The following ZFHX3 variants were observed in gnomAD, a reference collection of about 807,000 sequenced individuals.
The protein encoded by ZFHX3 is zinc finger homeobox 3.
A neutral mutation model predicts 279.1 loss-of-function variants in ZFHX3; 42 were observed. The ratio of observed to expected loss-of-function variants is 0.15; its 90% CI spans 0.12 to 0.19. ZFHX3 has a LOEUF of 0.19. Among genes scored for constraint, ZFHX3 ranks in the 10% least tolerant of loss-of-function variants. ZFHX3 has a pLI of 1.00. For missense variants in ZFHX3, 4,981 were observed against 4,754.0 expected (o/e 1.05, Z -1.40); for synonymous variants, 2,293 against 1,957.8 (o/e 1.17, Z -4.52).
At chr16:73,228,262 A>C (rs2012665838) in intron 5 of ZFHX3, among the ~76,000 whole-genome samples, 1 of 152,202 alleles carries the variant, frequency 6.6e-6, no homozygotes. Context: ...AAAATTATTA[A>C]ACTTGTATTT....
intron 1 of ZFHX3, among the ~76,000 whole-genome samples, chr16:73,767,122 A>G (rs186575690): frequency 2.0e-5 from 3 of 152,068 alleles, no homozygotes; most frequent in Admixed American, 2.0e-4. Flanking sequence ...TTTTTAGTAG[A>G]GATGGGGTTT....
rs1311142460 is a variant in ZFHX3 at position 73,868,402 on chromosome 16, T to TA, written c.-1608+23248dup. Among the ~76,000 whole-genome samples, 2 of 152,218 alleles carry TA rather than the reference T, an allele frequency of 1.3e-5. 1 individual carries two copies. Among genetic ancestry groups the TA allele is most frequent in the Admixed American group, 1.3e-4 (2 of 15,282 alleles). On this transcript the variant is annotated intron_variant, in intron 1 of 17. Transcript: ENST00000641206. ...AGCCGGGCCTGGTGGCATGTGCCTG[T>TA]AATCCCAGCTACTCGGGAGGCCGAG...
chr16:73,056,816 G>A (rs1965566294), intron 1 of ZFHX3, among the ~76,000 whole-genome samples: 1 of 152,176 alleles, frequency 6.6e-6, no homozygotes, highest in South Asian at 2.1e-4. Context: ...CACTGCCCAA[G>A]CCTCTTTCGG....
chr16:73,357,777 A>T (rs2016368702), intron 3 of ZFHX3, among the ~76,000 whole-genome samples: 1 of 151,916 alleles, frequency 6.6e-6, no homozygotes, highest in African/African-American at 2.4e-5. Context: ...CTTCCGGGTC[A>T]CTCTGTCAGA....
At chr16:73,176,203 T>C (rs544446939) in intron 5 of ZFHX3, among the ~76,000 whole-genome samples, 7 of 152,322 alleles carry the variant, frequency 4.6e-5, no homozygotes, top group African/African-American at 1.4e-4. Context: ...TAATAGAATA[T>C]GTAACGCCCA....
intron 3 of ZFHX3, among the ~76,000 whole-genome samples, chr16:72,928,442 C>T (rs547269285): frequency 4.6e-5 from 7 of 152,120 alleles, no homozygotes; most frequent in South Asian, 2.1e-4. Flanking sequence ...CACAACCCCT[C>T]GGCCCAAGTC....
chr16:73,823,784 A>G (rs534430940), intron 1 of ZFHX3, among the ~76,000 whole-genome samples: 72 of 152,312 alleles, frequency 4.7e-4, no homozygotes, highest in Non-Finnish European at 9.4e-4. Context: ...TTTGAAATCA[A>G]TGGGACAAGA....
chr16:72,932,653 C>CAAA (rs3079316), intron 3 of ZFHX3, among the ~76,000 whole-genome samples: 10 of 103,206 alleles, frequency 9.7e-5, no homozygotes, highest in African/African-American at 1.1e-4. Flanking sequence ...TGCTCCGCAC[C>CAAA]AAAAAAAAAA....
intron 3 of ZFHX3, among the ~76,000 whole-genome samples, chr16:73,325,210 G>T (rs2015657700): frequency 6.6e-6 from 1 of 152,016 alleles, no homozygotes; most frequent in African/African-American, 2.4e-5. Flanking sequence ...GAGGTGGATG[G>T]TTAATGTGAG....
At chr16:73,057,836 C>T (rs1446869335) in intron 1 of ZFHX3, among the ~76,000 whole-genome samples, 1 of 150,536 alleles carries the variant, frequency 6.6e-6, no homozygotes, top group Non-Finnish European at 1.5e-5. Flanking sequence ...AGTCGAGCCC[C>T]AGCGCGGAAG....
chr16:72,790,887 C>G (rs1349691061), intron 9 of ZFHX3: 1 of 152,248 alleles, frequency 6.6e-6, no homozygotes, highest in Non-Finnish European at 1.5e-5. Context: ...GGTCAAAAAG[C>G]CTTAAACTGT....
At chr16:73,273,278 GAAAATATAAAGAATATT>G (rs984197880) in intron 4 of ZFHX3, among the ~76,000 whole-genome samples, 34 of 152,212 alleles carry the variant, frequency 2.2e-4, no homozygotes, top group African/African-American at 7.2e-4. Context: ...AAACATTTAT[GAAAATATAAAGAATATT>G]AAAATATAAA....
chr16:72,810,704 G>A (rs957754263), intron 7 of ZFHX3, among the ~76,000 whole-genome samples: 2 of 152,012 alleles, frequency 1.3e-5, no homozygotes, highest in African/African-American at 2.4e-5. Context: ...GCAATATCCA[G>A]CTCACCATTT....
intron 1 of ZFHX3, among the ~76,000 whole-genome samples, chr16:73,690,783 A>G (rs2053141834): frequency 6.6e-6 from 1 of 152,240 alleles, no homozygotes; most frequent in Admixed American, 6.5e-5. Context: ...GGCCCAGCCA[A>G]CAGCCATCCC....
At chr16:73,003,813 G>A (rs1036392395) in intron 1 of ZFHX3, among the ~76,000 whole-genome samples, 5 of 151,714 alleles carry the variant, frequency 3.3e-5, no homozygotes, top group Admixed American at 6.6e-5. Context: ...CAGAGTGAGG[G>A]GGTCAGGAAT....
At chr16:73,368,737 G>A (rs927557048) in intron 3 of ZFHX3, among the ~76,000 whole-genome samples, 1 of 152,200 alleles carries the variant, frequency 6.6e-6, no homozygotes, top group Non-Finnish European at 1.5e-5. Flanking sequence ...TGAGTGCAAA[G>A]GTTGTTAAAG....
intron 2 of ZFHX3, among the ~76,000 whole-genome samples, chr16:73,641,609 GA>G (rs1419821405): frequency 2.0e-5 from 3 of 152,138 alleles, no homozygotes; most frequent in African/African-American, 7.2e-5. Flanking sequence ...GGGAAGATGG[GA>G]GGGGGGACAG....
intron 2 of ZFHX3, among the ~76,000 whole-genome samples, chr16:73,601,478 A>AG (rs1300412887): frequency 6.6e-6 from 1 of 151,938 alleles, no homozygotes; most frequent in African/African-American, 2.4e-5. Context: ...TCAAAAAAAA[A>AG]AAAAAAAATT....
At chr16:72,995,784 C>T (rs1273594805) in intron 1 of ZFHX3, among the ~76,000 whole-genome samples, 1 of 152,190 alleles carries the variant, frequency 6.6e-6, no homozygotes, top group Non-Finnish European at 1.5e-5. Flanking sequence ...CAAAGGAAAG[C>T]TCTGGGCCTG....
Sources: gnomAD v4.1 joint callset for allele counts (sites outside exome capture counted in the v4.1 genomes callset) on GRCh38, gnomAD v4.1.1 for gene constraint, MANE v1.5 for transcripts, NCBI Gene and HGNC (gene_info 2026-07-23, HGNC 2026-07-21) for gene names.